TMTC4: variants seen among roughly 807,000 people sequenced by gnomAD.
TMTC4 encodes protein O-mannosyl-transferase TMTC4.
TMTC4 carries 65 observed loss-of-function variants against 86.0 expected under a neutral mutation model. The observed-to-expected ratio is 0.76, with a 90% confidence interval of 0.62 to 0.93. The LOEUF (loss-of-function observed/expected upper bound fraction) is 0.93. Among genes scored for constraint, TMTC4 ranks in the 40% least tolerant of loss-of-function variants. The pLI is 0.00. For synonymous variants in TMTC4, 379 were observed against 382.5 expected (o/e 0.99, Z 0.11); for missense variants, 866 against 948.1 (o/e 0.91, Z 1.14).
Position 100,625,531 on chromosome 13 carries a change from T to A in TMTC4, c.1836+4A>T, listed in dbSNP as rs1276404402. 1 of 1,613,766 alleles carries A rather than the reference T, an allele frequency of 6.2e-7. No individual in the cohort carries two copies. ...TCCACAGGCACAGGGCACCCCGCGC[T>A]TACCAGACGCCCGAGGTTGTAGTAA... On this transcript the variant is annotated splice_donor_region_variant and intron_variant, in intron 15 of 18. Coordinates refer to ENST00000342624, the MANE Select transcript of TMTC4 (RefSeq NM_032813.5).
intron 17 of TMTC4, among the ~76,000 whole-genome samples, chr13:100,606,893 A>G (rs1876712073): frequency 6.6e-6 from 1 of 152,212 alleles, no homozygotes; most frequent in Admixed American, 6.5e-5. Context: ...CCATCTGGAA[A>G]GAATGTGCAG....
At chr13:100,608,460 C>T (rs1029324876) in intron 17 of TMTC4, among the ~76,000 whole-genome samples, 3 of 152,110 alleles carry the variant, frequency 2.0e-5, no homozygotes, top group African/African-American at 4.8e-5. Flanking sequence ...AACAAAAACA[C>T]GACAGCATGT....
At chr13:100,621,553 G>A (rs1225431362) in intron 15 of TMTC4, among the ~76,000 whole-genome samples, 1 of 152,152 alleles carries the variant, frequency 6.6e-6, no homozygotes, top group Non-Finnish European at 1.5e-5. Context: ...AGCCTCCTGA[G>A]TAGCTGGGAC....
intron 7 of TMTC4, 42 bp from the exon 8 acceptor site, chr13:100,638,064 G>A: frequency 1.3e-6 from 2 of 1,509,650 alleles, no homozygotes; most frequent in Non-Finnish European, 9.2e-7. Context: ...GGAGAGCTTG[G>A]CTGTGTTAGG....
intron 12 of TMTC4, among the ~76,000 whole-genome samples, chr13:100,630,612 G>A (rs1021156624): frequency 4.6e-5 from 7 of 152,128 alleles, no homozygotes; most frequent in Admixed American, 2.0e-4. Context: ...ACCTAGGGCC[G>A]GAGAATCCAA....
chr13:100,670,480 C>T lies in TMTC4; in HGVS notation c.-118G>A, dbSNP rs559565192. On this transcript the variant is annotated 5_prime_UTR_variant, in exon 2 of 19. Coordinates refer to ENST00000342624, the MANE Select transcript of TMTC4 (RefSeq NM_032813.5). The stretch of plus-strand genomic sequence containing the variant: ...CTCTCGAGCCTCACAGCCTGGCATA[C>T]GGCATGCTCTCAGCAAGTGCTGGGG... 1.3e-4 allele frequency: 135 copies of T among 1,062,960 alleles called. No homozygotes were observed. Among genetic ancestry groups the T allele is most frequent in the South Asian group, 5.2e-4 (32 of 61,198 alleles). The allele number at this position is 1,062,960 out of a possible 1,614,324, so 65.8% of individuals were successfully genotyped here.
intron 6 of TMTC4, among the ~76,000 whole-genome samples, chr13:100,642,612 C>A (rs1382084231): frequency 6.6e-6 from 1 of 152,116 alleles, no homozygotes; most frequent in Non-Finnish European, 1.5e-5. Flanking sequence ...TACCTTCTTC[C>A]CAACCTACCA....
intron 7 of TMTC4, 115 bp downstream of exon 7, chr13:100,642,096 G>T: frequency 9.7e-7 from 1 of 1,034,896 alleles, no homozygotes; most frequent in Non-Finnish European, 1.4e-6. Flanking sequence ...CCTCAGGCCA[G>T]CAATGGGATG....
chr13:100,625,334 A>G (rs770682659), intron 15 of TMTC4: 18 of 686,552 alleles, frequency 2.6e-5, no homozygotes, highest in Non-Finnish European at 4.0e-5. Flanking sequence ...AACTTGACTA[A>G]TTCACACTGT....
rs189938585 is a variant in TMTC4 at position 100,670,502 on chromosome 13, G to C, written c.-140C>G. ...ATACGGCATGCTCTCAGCAAGTGCT[G>C]GGGGAATACTGCAGCTACTTTTCTT... On this transcript the variant is annotated 5_prime_UTR_variant, in exon 2 of 19. Transcript: ENST00000342624. 8.8e-5 allele frequency: 65 copies of C among 742,244 alleles called. No individual in the cohort carries two copies. The Admixed American group carries it at 2.2e-3, about 25-fold the overall frequency. 46.0% of individuals were successfully genotyped at this position (742,244 alleles called of 1,614,324 possible). A position where few individuals can be genotyped will look rare whatever the true frequency, so the allele number is the denominator to read the frequency against.
chr13:100,639,921 C>T (rs563420558), intron 7 of TMTC4, among the ~76,000 whole-genome samples: 6 of 150,998 alleles, frequency 4.0e-5, no homozygotes, highest in Non-Finnish European at 1.5e-5. Flanking sequence ...GCCAGAGCGA[C>T]AAGAGAGAAA....
At chr13:100,627,334 G>A (rs1880713806) in intron 12 of TMTC4, among the ~76,000 whole-genome samples, 2 of 152,166 alleles carry the variant, frequency 1.3e-5, no homozygotes, top group African/African-American at 4.8e-5. Flanking sequence ...GTGCCCCAGG[G>A]TTGCAGCAAT....
chr13:100,606,580 C>T (rs148427130), intron 17 of TMTC4, among the ~76,000 whole-genome samples, 153 bp from the exon 18 acceptor site: 10 of 152,212 alleles, frequency 6.6e-5, no homozygotes, highest in Non-Finnish European at 4.4e-5. Flanking sequence ...AGCGGGGCCA[C>T]GCTCTGCCAA....
intron 1 of TMTC4, chr13:100,674,504 A>C: frequency 1.1e-6 from 1 of 940,060 alleles, no homozygotes; most frequent in Non-Finnish European, 1.3e-6. Flanking sequence ...CGGGGCGCGC[A>C]GCCTCCACGC....
chr13:100,609,329 A>T (rs1345098114), intron 17 of TMTC4, among the ~76,000 whole-genome samples: 1 of 152,164 alleles, frequency 6.6e-6, no homozygotes, highest in Non-Finnish European at 1.5e-5. Context: ...CTTTAAATAC[A>T]TTCATGTTAA....
At chr13:100,632,039 ACACACACACACACACTCTCTCTCT>A (rs1484804654) in intron 12 of TMTC4, among the ~76,000 whole-genome samples, 3 of 69,630 alleles carry the variant, frequency 4.3e-5, no homozygotes, top group East Asian at 3.2e-4. Flanking sequence ...ACACACACAC[ACACACACACACACACTCTCTCTCT>A]CTCTCTCTCT....
intron 17 of TMTC4, among the ~76,000 whole-genome samples, chr13:100,606,992 T>C (rs1876728427): frequency 6.6e-6 from 1 of 152,204 alleles, no homozygotes; most frequent in Non-Finnish European, 1.5e-5. Context: ...TGTGAATTGA[T>C]TCTTGCACAG....
intron 6 of TMTC4, among the ~76,000 whole-genome samples, chr13:100,644,476 C>T (rs560703786): frequency 6.6e-6 from 1 of 152,146 alleles, no homozygotes; most frequent in Non-Finnish European, 1.5e-5. Flanking sequence ...CTGTCCCCAG[C>T]TGGGCCCCTG....
Position 100,662,920 on chromosome 13 carries a change from C to T in TMTC4, c.552+44G>A, listed in dbSNP as rs189896745. ...ACCAGGCGACATGGGGGTGTCATATCGCTTCTCACGTGCATACAGATGCCT... is the reference window on the plus strand; with the variant it reads ...ACCAGGCGACATGGGGGTGTCATATTGCTTCTCACGTGCATACAGATGCCT... On this transcript the variant is annotated intron_variant, in intron 5 of 18. Transcript: ENST00000342624. 2,712 of 1,603,610 alleles carry T rather than the reference C, an allele frequency of 1.7e-3. 3 individuals are homozygous for T. Among genetic ancestry groups the T allele is most frequent in the Non-Finnish European group, 2.2e-3 (2,578 of 1,174,230 alleles).
Sources: gnomAD v4.1 joint callset for allele counts (sites outside exome capture counted in the v4.1 genomes callset) on GRCh38, gnomAD v4.1.1 for gene constraint, MANE v1.5 for transcripts, NCBI Gene and HGNC (gene_info 2026-07-23, HGNC 2026-07-21) for gene names.